ANKRD11: variants seen among roughly 807,000 people sequenced by gnomAD.
The protein encoded by ANKRD11 is ankyrin repeat domain-containing protein 11.
In ANKRD11, 17 loss-of-function variants were observed where a neutral mutation model predicts 195.7. The observed-to-expected ratio is 0.09, with a 90% CI of 0.06 to 0.13. The LOEUF is 0.13. ANKRD11 is among the 10% of genes least tolerant of loss of function. The probability of loss-of-function intolerance (pLI) is 1.00; values close to 1 mark genes in which losing one functional copy is unlikely to be tolerated. For missense variants in ANKRD11, 3,735 were observed against 3,566.1 expected (o/e 1.05, Z -1.21); for synonymous variants, 1,953 against 1,528.1 (o/e 1.28, Z -6.49).
rs1567569088 is a variant in ANKRD11 at position 89,282,134 on chromosome 16, T to C, written c.4408A>G (p.Arg1470Gly). ...TCCCGGTGCCTCTCCTTCTCGTCTC[T>C]CCATTTCTCCCTGTGTTTCTCTCTC... ...KKREKHREKW[R>G]DEKERHRDRH... The change falls in exon 9 of 13, where the codon AGA becomes GGA. Residue 1470 changes from arginine to glycine, a missense_variant. Transcript: ENST00000301030. The C allele has an allele frequency of 1.9e-6, 3 of 1,614,032 alleles. No individual in the cohort carries two copies. The highest frequency in any genetic ancestry group is 2.5e-6 in the Non-Finnish European group (3 of 1,180,004).
chr16:89,476,741 G>A (rs1327805558), intron 1 of ANKRD11, among the ~76,000 whole-genome samples: 1 of 152,170 alleles, frequency 6.6e-6, no homozygotes, highest in South Asian at 2.1e-4. Context: ...CAAAGAGATG[G>A]GGGCCCAAGG....
rs1035902808 is a variant in ANKRD11, at chr16:89,281,382, G to C, written c.5160C>G (p.His1720Gln). The change falls in exon 9 of 13, where the codon CAC (histidine) becomes CAG (glutamine). Residue 1720 changes from histidine (H) to glutamine (Q), a missense_variant. By Grantham distance (24) the His-to-Gln change is conservative. Transcript: ENST00000301030. The surrounding 1 kb of genome is among the most constrained non-coding windows in gnomAD (Gnocchi z 5.5). ...CGCTGCAGGACGGGGTCCTGGGCGTGTGCATCACCTCCTCGTAGCTGGGGC... is the reference window on the plus strand; with the variant it reads ...CGCTGCAGGACGGGGTCCTGGGCGTCTGCATCACCTCCTCGTAGCTGGGGC... ...LSCPSYEEVMHTPRTPSCSAD... is the reference protein window; with the variant it reads ...LSCPSYEEVMQTPRTPSCSAD... 1.2e-6 allele frequency: 2 copies of C among 1,609,464 alleles called. No individual in the cohort carries two copies. Among genetic ancestry groups the C allele is most frequent in the South Asian group, 1.1e-5 (1 of 90,908 alleles).
At chr16:89,409,132 C>T (rs1204158230) in intron 2 of ANKRD11, among the ~76,000 whole-genome samples, 1 of 152,194 alleles carries the variant, frequency 6.6e-6, no homozygotes, top group African/African-American at 2.4e-5. Flanking sequence ...GTATCAGGCC[C>T]CTCAAAGAGC....
chr16:89,324,137 A>T, intron 2 of ANKRD11: 2 of 890,488 alleles, frequency 2.2e-6, no homozygotes, highest in Non-Finnish European at 3.0e-6. Flanking sequence ...AACGCTCTCT[A>T]CTGCAGCCCT....
At chr16:89,327,147 C>T (rs549366594) in intron 2 of ANKRD11, among the ~76,000 whole-genome samples, 45 of 152,166 alleles carry the variant, frequency 3.0e-4, no homozygotes, top group Non-Finnish European at 1.6e-4. Flanking sequence ...CTGATGACAG[C>T]GAAATATGTA....
chr16:89,270,731 G>A, intron 12 of ANKRD11, 86 bp downstream of exon 12: 1 of 1,323,264 alleles, frequency 7.6e-7, no homozygotes, highest in Non-Finnish European at 1.1e-6. Context: ...CTCCCCCCAG[G>A]CAGCGCAAAG....
At chr16:89,457,011 G>A (rs2056468818) in intron 1 of ANKRD11, among the ~76,000 whole-genome samples, 1 of 148,188 alleles carries the variant, frequency 6.7e-6, no homozygotes, top group Non-Finnish European at 1.5e-5. Flanking sequence ...CCAGGCTGGA[G>A]TGCAGTGGCG....
At chr16:89,435,753 C>G (rs1348673359) in intron 1 of ANKRD11, among the ~76,000 whole-genome samples, 2 of 151,390 alleles carry the variant, frequency 1.3e-5, no homozygotes, top group African/African-American at 4.9e-5. Flanking sequence ...TGACTGTCCA[C>G]TCAAGGAACA....
At position 89,484,060 on chromosome 16, in the gene ANKRD11, G is replaced by A. The variant is rs1046422562; in HGVS notation, c.-145+6185C>T. 6.6e-5 allele frequency among the ~76,000 whole-genome samples: 10 copies of A among 152,294 alleles called. No individual in the cohort carries two copies. In the South Asian group the frequency reaches 1.4e-3, roughly 22 times the overall value. On this transcript the variant is annotated intron_variant, in intron 1 of 12. Transcript: ENST00000301030. ...TACTAACACTACAAGCTCTCGAGAC[G>A]CTCTTCGGCTGCCTGAAAGCTGGAT...
chr16:89,389,753 G>A (rs189489987), intron 2 of ANKRD11, among the ~76,000 whole-genome samples: 425 of 151,318 alleles, frequency 2.8e-3, no homozygotes, highest in African/African-American at 9.7e-3. Flanking sequence ...GTGTGGCGGG[G>A]AGCACCGAGA....
chr16:89,341,746 ACT>A (rs1478542693), intron 2 of ANKRD11, among the ~76,000 whole-genome samples: 1 of 152,230 alleles, frequency 6.6e-6, no homozygotes, highest in East Asian at 1.9e-4. Context: ...CCTTGGGTTA[ACT>A]CTCTCTGCAC....
intron 2 of ANKRD11, among the ~76,000 whole-genome samples, chr16:89,383,052 T>G (rs2040732493): frequency 6.6e-6 from 1 of 152,202 alleles, no homozygotes; most frequent in Admixed American, 6.5e-5. Flanking sequence ...TTATGCCATG[T>G]CATATACCTC....
chr16:89,402,023 T>C (rs960281229), intron 2 of ANKRD11, among the ~76,000 whole-genome samples: 2 of 150,914 alleles, frequency 1.3e-5, no homozygotes, highest in African/African-American at 4.9e-5. Context: ...AGATCCTTGC[T>C]GTGAAAGCTC....
chr16:89,443,018 A>G (rs897459313), intron 1 of ANKRD11, among the ~76,000 whole-genome samples: 5 of 152,166 alleles, frequency 3.3e-5, no homozygotes, highest in African/African-American at 4.8e-5. Context: ...TTTGAAACAG[A>G]ATCTCGCTCT....
chr16:89,360,347 T>C (rs773713846), intron 2 of ANKRD11, among the ~76,000 whole-genome samples: 19 of 152,340 alleles, frequency 1.2e-4, no homozygotes, highest in South Asian at 4.1e-4. Flanking sequence ...TCCTCTCGAA[T>C]TGGTCTCCCA....
chr16:89,451,475 G>C (rs1000282116), intron 1 of ANKRD11, among the ~76,000 whole-genome samples: 1 of 141,612 alleles, frequency 7.1e-6, no homozygotes, highest in African/African-American at 2.6e-5. Context: ...GCAGTTGTGT[G>C]ATCTCAGCTC....
chr16:89,329,258 G>A lies in ANKRD11; in HGVS notation c.-59-12180C>T, dbSNP rs144904545. On this transcript the variant is annotated intron_variant, in intron 2 of 12. Coordinates refer to ENST00000301030, the MANE Select transcript of ANKRD11 (RefSeq NM_013275.6). Reference sequence around the variant, plus strand: ...ACCAGGTATCCAGGATAAGACGGGGGATCTGAATCAAGTCTGCAGGGCGGT... The same window carrying A: ...ACCAGGTATCCAGGATAAGACGGGGAATCTGAATCAAGTCTGCAGGGCGGT... Among the ~76,000 whole-genome samples, 605 of 152,348 alleles carry A rather than the reference G, an allele frequency of 4.0e-3. 3 individuals are homozygous for A. Among genetic ancestry groups the A allele is most frequent in the African/African-American group, 0.014 (586 of 41,572 alleles).
intron 1 of ANKRD11, among the ~76,000 whole-genome samples, chr16:89,419,093 G>C (rs188667921): frequency 1.6e-3 from 246 of 152,298 alleles, no homozygotes; most frequent in African/African-American, 5.7e-3. Context: ...AAAAAGATAA[G>C]GTGGTTTTCA....
chr16:89,315,918 A>G (rs1259720730), intron 3 of ANKRD11, among the ~76,000 whole-genome samples: 1 of 152,174 alleles, frequency 6.6e-6, no homozygotes, highest in East Asian at 1.9e-4. Flanking sequence ...GCAGCACAGG[A>G]AGCAGCAAGA....
Sources: allele counts gnomAD v4.1 joint callset (sites outside exome capture counted in the v4.1 genomes callset), GRCh38; gene constraint gnomAD v4.1.1; non-coding constraint Gnocchi (gnomAD v3.1); transcripts MANE v1.5; gene names NCBI Gene and HGNC (gene_info 2026-07-23, HGNC 2026-07-21).